EPHA7: variants seen among roughly 807,000 people sequenced by gnomAD.
EPHA7 encodes EPH receptor A7.
In EPHA7, 25 loss-of-function variants were observed where a neutral mutation model predicts 112.6. The ratio of observed to expected loss-of-function variants is 0.22; its 90% confidence interval spans 0.16 to 0.31. EPHA7 has a LOEUF of 0.31. Ranked by LOEUF, EPHA7 falls within the 10% of genes least tolerant of loss-of-function variation. The probability of loss-of-function intolerance (pLI) is 1.00; values close to 1 mark genes in which losing one functional copy is unlikely to be tolerated. For missense variants in EPHA7, 962 were observed against 1,212.6 expected, an observed-to-expected ratio of 0.79 and a Z score of 3.07; for synonymous variants, 437 against 406.5, an observed-to-expected ratio of 1.07 and a Z score of -0.90.
chr6:93,298,393 A>C (rs1022466158), intron 5 of EPHA7, among the ~76,000 whole-genome samples: 1 of 152,298 alleles, frequency 6.6e-6, no homozygotes, highest in Non-Finnish European at 1.5e-5. Context: ...TTCAAACATC[A>C]TATCAGAGCC....
chr6:93,382,871 C>G (rs982404494), intron 3 of EPHA7, among the ~76,000 whole-genome samples: 2 of 152,170 alleles, frequency 1.3e-5, no homozygotes, highest in African/African-American at 2.4e-5. Context: ...CCATCACACA[C>G]AGCCACTATC....
intron 7 of EPHA7, among the ~76,000 whole-genome samples, chr6:93,265,369 C>T (rs1283636319): frequency 6.6e-6 from 1 of 151,636 alleles, no homozygotes; most frequent in Non-Finnish European, 1.5e-5. Context: ...CTATCATTAC[C>T]TAACTGCAAA....
At chr6:93,320,899 T>C (rs1562095053) in intron 5 of EPHA7, among the ~76,000 whole-genome samples, 1 of 151,976 alleles carries the variant, frequency 6.6e-6, no homozygotes, top group African/African-American at 2.4e-5. Flanking sequence ...AAAATAATTT[T>C]GATTCATTGA....
At chr6:93,245,589 T>C (rs2127845772) in intron 15 of EPHA7, 136 bp from the exon 16 acceptor site, 1 of 810,692 alleles carries the variant, frequency 1.2e-6, no homozygotes, top group South Asian at 2.3e-5. Flanking sequence ...AATACATCGA[T>C]ATGCTAATAA....
intron 3 of EPHA7, among the ~76,000 whole-genome samples, chr6:93,380,635 T>C (rs1383088624): frequency 6.6e-6 from 1 of 151,994 alleles, no homozygotes; most frequent in African/African-American, 2.4e-5. Context: ...CTGCAGCAAA[T>C]AGCTAAGGGA....
At chr6:93,319,861 TTGA>T (rs1483444730) in intron 5 of EPHA7, among the ~76,000 whole-genome samples, 2 of 152,112 alleles carry the variant, frequency 1.3e-5, no homozygotes, top group Admixed American at 1.3e-4. Flanking sequence ...TATTTAATAA[TTGA>T]TAACTGACAA....
intron 15 of EPHA7, 29 bp from the exon 16 acceptor site, chr6:93,245,482 C>T (rs551414699): frequency 6.3e-7 from 1 of 1,596,848 alleles, no homozygotes; most frequent in Non-Finnish European, 8.5e-7. Flanking sequence ...GAAAAGCGAA[C>T]ATTATCCTGA....
chr6:93,402,860 T>C (rs1347399171), intron 3 of EPHA7, among the ~76,000 whole-genome samples: 2 of 152,012 alleles, frequency 1.3e-5, no homozygotes, highest in Middle Eastern at 3.2e-3. Flanking sequence ...ATATAGAAAA[T>C]GTTAGCAGGC....
chr6:93,286,852 T>C (rs1772090266), intron 5 of EPHA7, among the ~76,000 whole-genome samples: 1 of 152,168 alleles, frequency 6.6e-6, no homozygotes, highest in Non-Finnish European at 1.5e-5. Flanking sequence ...AGGTTGCGTC[T>C]GAAACAGTCA....
intron 3 of EPHA7, among the ~76,000 whole-genome samples, chr6:93,409,487 T>C (rs907683847): frequency 5.9e-5 from 9 of 152,070 alleles, no homozygotes; most frequent in South Asian, 2.1e-4. Flanking sequence ...TACTAAGTTA[T>C]CAAGAAAAAT....
chr6:93,315,189 T>C (rs163945), intron 5 of EPHA7, among the ~76,000 whole-genome samples: 93,820 of 151,796 alleles, frequency 0.62, 29,302 homozygotes, highest in African/African-American at 0.72. Flanking sequence ...AAATAAAATG[T>C]ATTAAGTGAT....
chr6:93,311,685 T>C (rs1773549952), intron 5 of EPHA7, among the ~76,000 whole-genome samples: 1 of 152,152 alleles, frequency 6.6e-6, no homozygotes, highest in South Asian at 2.1e-4. Context: ...ATCATGAACG[T>C]CCTTAATGGC....
chr6:93,337,839 A>G (rs1774950758), intron 5 of EPHA7, among the ~76,000 whole-genome samples: 1 of 152,094 alleles, frequency 6.6e-6, no homozygotes, highest in African/African-American at 2.4e-5. Context: ...TTCACCGTTT[A>G]TATGACTCTT....
In EPHA7 at chr6:93,310,362, C is replaced by T. The variant is rs544657035; in HGVS notation, c.1325-37940G>A. On this transcript the variant is annotated intron_variant, in intron 5 of 16. Transcript: ENST00000369303. ...CACAATGTTTCACTTTATAGTTTCA[C>T]AAAACTTAAAAAACAAAACAAAGGC... is the stretch of plus-strand genomic sequence containing the variant. Among the ~76,000 whole-genome samples, 18 of 152,210 alleles carry T rather than the reference C, an allele frequency of 1.2e-4. No homozygotes were observed. In the South Asian group the frequency reaches 3.5e-3, roughly 30 times the overall value.
At chr6:93,374,083 G>A (rs1330557780) in intron 3 of EPHA7, among the ~76,000 whole-genome samples, 1 of 152,014 alleles carries the variant, frequency 6.6e-6, no homozygotes, top group South Asian at 2.1e-4. Flanking sequence ...CGCACTAGAG[G>A]TATTTAACCA....
At chr6:93,375,990 A>T (rs1167635583) in intron 3 of EPHA7, among the ~76,000 whole-genome samples, 1 of 152,178 alleles carries the variant, frequency 6.6e-6, no homozygotes, top group African/African-American at 2.4e-5. Flanking sequence ...GATTTATGCC[A>T]TGTGGACATG....
At chr6:93,364,329 C>A (rs1475218772) in intron 3 of EPHA7, among the ~76,000 whole-genome samples, 1 of 151,904 alleles carries the variant, frequency 6.6e-6, no homozygotes, top group Admixed American at 6.6e-5. Flanking sequence ...TTTGAGACCA[C>A]CCTGGCCAAC....
intron 5 of EPHA7, among the ~76,000 whole-genome samples, chr6:93,346,123 T>C (rs1481028324): frequency 6.6e-6 from 1 of 151,676 alleles, no homozygotes; most frequent in Admixed American, 6.6e-5. Flanking sequence ...GCATAGGAAT[T>C]GGGATTGGGG....
chr6:93,389,720 C>A (rs1433558592), intron 3 of EPHA7, among the ~76,000 whole-genome samples: 1 of 151,826 alleles, frequency 6.6e-6, no homozygotes, highest in Non-Finnish European at 1.5e-5. Context: ...CTTAATTTCA[C>A]CCTTCTTCAA....
Sources: gnomAD v4.1 joint callset for allele counts (sites outside exome capture counted in the v4.1 genomes callset) on GRCh38, gnomAD v4.1.1 for gene constraint, MANE v1.5 for transcripts, NCBI Gene and HGNC (gene_info 2026-07-23, HGNC 2026-07-21) for gene names.